The following RNF157 variants were observed in gnomAD, a reference collection of about 807,000 sequenced individuals.
RNF157 encodes the protein E3 ubiquitin ligase RNF157.
A neutral mutation model predicts 88.3 loss-of-function variants in RNF157; 55 were observed. The ratio of observed to expected loss-of-function variants is 0.62; its 90% CI spans 0.50 to 0.78. The LOEUF is 0.78. RNF157 is among the 30% of genes least tolerant of loss of function. The pLI is 0.00. For missense variants in RNF157, 788 were observed against 860.8 expected (o/e 0.92, Z 1.06); for synonymous variants, 334 against 341.2 (o/e 0.98, Z 0.23).
At chr17:76,147,825 CAG>C (rs779460480) in intron 18 of RNF157, among the ~76,000 whole-genome samples, 22 of 152,192 alleles carry the variant, frequency 1.4e-4, no homozygotes, top group Non-Finnish European at 4.4e-5. Context: ...AAATGGAGCA[CAG>C]AGATTCAAAA....
At chr17:76,186,862 C>T (rs900526528) in intron 2 of RNF157, among the ~76,000 whole-genome samples, 6 of 151,794 alleles carry the variant, frequency 4.0e-5, no homozygotes, top group African/African-American at 1.5e-4. Flanking sequence ...ATTGCCTGAA[C>T]CCAGGAGGCA....
rs2069107299 is a variant in RNF157, at chr17:76,176,654, T to G, written c.208-2864A>C. 6.6e-6 allele frequency among the ~76,000 whole-genome samples: 1 copy of G among 152,114 alleles called. No homozygotes were observed. The highest frequency in any genetic ancestry group is 1.5e-5 in the Non-Finnish European group (1 of 67,994). ...ACAGCCCCTCCACAGCTTGCCGCCC[T>G]GGAGGCCACCCCATGGGGCTGGCCG... On this transcript the variant is annotated intron_variant, in intron 2 of 18. Coordinates refer to ENST00000269391, the MANE Select transcript of RNF157 (RefSeq NM_052916.3). The surrounding 1 kb of genome is among the most constrained non-coding windows in gnomAD (Gnocchi z 4.2).
In RNF157 at chr17:76,235,261, G is replaced by A. The variant is rs377265029; in HGVS notation, c.88+4892C>T. Among the ~76,000 whole-genome samples, 16 of 150,612 alleles carry A rather than the reference G, an allele frequency of 1.1e-4. No individual in the cohort carries two copies. The South Asian group carries it at 3.1e-3, about 30-fold the overall frequency. On this transcript the variant is annotated intron_variant, in intron 1 of 18. Coordinates refer to ENST00000269391, the MANE Select transcript of RNF157 (RefSeq NM_052916.3). ...CGCCCAGGCTGGAGTGCAGTGGCAC[G>A]ATCTCGGCTCACTGCAAGCTCCGCC...
chr17:76,152,205 T>G, intron 18 of RNF157, 150 bp downstream of exon 18: 1 of 629,020 alleles, frequency 1.6e-6, no homozygotes, highest in Non-Finnish European at 2.9e-6. Context: ...CCTTCTTACT[T>G]CCTTCAGCAA....
chr17:76,186,806 A>G (rs2069298350), intron 2 of RNF157, among the ~76,000 whole-genome samples: 1 of 150,396 alleles, frequency 6.6e-6, no homozygotes, highest in Non-Finnish European at 1.5e-5. Context: ...CAGGCATGGT[A>G]GTGCACATTT....
Position 76,161,586 on chromosome 17 carries a change from G to C in RNF157, c.1014C>G (p.Thr338=). The change falls in exon 11 of 19, where the codon ACC becomes ACG. Residue 338 remains threonine (T), a synonymous_variant. Coordinates refer to ENST00000269391, the MANE Select transcript of RNF157 (RefSeq NM_052916.3). This position sits in a 1 kb window ranked among gnomAD's most constrained non-coding sequence, Gnocchi z 4.6. The part of the protein sequence containing the change: ...MRKKLGPLSP[T]SFNPIISSQT... Reference sequence around the variant, plus strand: ...GGGATGAGATGATGGGGTTAAAGCTGGTTGGGGACAAGGGGCCCAATTTTT... The same window carrying C: ...GGGATGAGATGATGGGGTTAAAGCTCGTTGGGGACAAGGGGCCCAATTTTT... The C allele has an allele frequency of 6.2e-7, 1 of 1,614,170 alleles. No individual in the cohort carries two copies. The highest frequency in any genetic ancestry group is 1.3e-5 in the African/African-American group (1 of 75,046).
chr17:76,182,760 C>CATATATATATATATATATAT lies in RNF157; in HGVS notation c.208-8990_208-8971dup, dbSNP rs377581288. Among the ~76,000 whole-genome samples the CATATATATATATATATATAT allele has an allele frequency of 1.7e-3, 154 of 93,286 alleles. 2 individuals carry two copies. The highest frequency in any genetic ancestry group is 6.7e-3 in the African/African-American group (116 of 17,250). The allele number at this position is 93,286 out of a possible 152,430, so 61.2% of individuals were successfully genotyped here. A position where few individuals can be genotyped will look rare whatever the true frequency, so the allele number is the denominator to read the frequency against. On this transcript the variant is annotated intron_variant, in intron 2 of 18. Coordinates refer to ENST00000269391, the MANE Select transcript of RNF157 (RefSeq NM_052916.3). ...TTGCTATTAGATTCAGGCCTCGTCTCATATATATATATATATATATATATA... is the reference window on the plus strand; with the variant it reads ...TTGCTATTAGATTCAGGCCTCGTCTCATATATATATATATATATATATATATATATATATATATATATATA...
In RNF157 at chr17:76,155,746, G is replaced by A. The variant is rs752503395; in HGVS notation, c.1526-12C>T. On this transcript the variant is annotated splice_polypyrimidine_tract_variant and intron_variant, in intron 14 of 18. Transcript: ENST00000269391. ...GCTGCTGGCAGGGCCTTTGGAGACA[G>A]GGGATGGGGAAAGGAGCCTGGAGGT... is the stretch of plus-strand genomic sequence containing the variant. The A allele has an allele frequency of 2.0e-6, 3 of 1,533,336 alleles. No homozygotes were observed. Among genetic ancestry groups the A allele is most frequent in the Middle Eastern group, 2.0e-4 (1 of 5,054 alleles). The allele number at this position is 1,533,336 out of a possible 1,614,324, so 95.0% of individuals were successfully genotyped here.
At chr17:76,221,026 C>T (rs528798576) in intron 1 of RNF157, among the ~76,000 whole-genome samples, 61 of 151,726 alleles carry the variant, frequency 4.0e-4, no homozygotes, top group Non-Finnish European at 6.6e-4. Flanking sequence ...GAGGCTGAGG[C>T]GGGAGAATTA....
chr17:76,240,039 G>T lies in RNF157; in HGVS notation c.88+114C>A. ...CCGCGCTCGAAGACCGTTTCGGAGC[G>T]TCCGCAACCACTGAGTCCCCGAAGA... On this transcript the variant is annotated intron_variant, in intron 1 of 18. Coordinates refer to ENST00000269391, the MANE Select transcript of RNF157 (RefSeq NM_052916.3). This position sits in a 1 kb window ranked among gnomAD's most constrained non-coding sequence, Gnocchi z 4.4. The T allele has an allele frequency of 2.3e-6, 1 of 437,010 alleles. No individual in the cohort carries two copies. Among genetic ancestry groups the T allele is most frequent in the African/African-American group, 2.1e-5 (1 of 47,482 alleles). 27.1% of individuals were successfully genotyped at this position (437,010 alleles called of 1,614,324 possible).
In RNF157 at chr17:76,167,038, C is replaced by T. The variant is rs920157640; in HGVS notation, c.532G>A (p.Val178Met). 20 of 1,611,578 alleles carry T rather than the reference C, an allele frequency of 1.2e-5. No homozygotes were observed. Among genetic ancestry groups the T allele is most frequent in the African/African-American group, 8.0e-5 (6 of 74,904 alleles). ...CQQFCLPSHT[V>M]DPSEWAEEEL... ...TCTTCGGCCCACTCGGAGGGATCCA[C>T]GGTGTGGGAGGGCAGGCAGAACTGC... The change falls in exon 5 of 19, where the codon GTG (valine) becomes ATG (methionine). Residue 178 changes from valine to methionine, a missense_variant. Coordinates refer to ENST00000269391, the MANE Select transcript of RNF157 (RefSeq NM_052916.3).
chr17:76,235,581 C>G (rs2070269416), intron 1 of RNF157, among the ~76,000 whole-genome samples: 1 of 152,188 alleles, frequency 6.6e-6, no homozygotes, highest in African/African-American at 2.4e-5. Flanking sequence ...TACATTAAAA[C>G]TTTTATAGTT....
intron 2 of RNF157, among the ~76,000 whole-genome samples, chr17:76,175,135 A>T (rs1189394903): frequency 6.6e-6 from 1 of 152,184 alleles, no homozygotes; most frequent in African/African-American, 2.4e-5. Flanking sequence ...CACTGAACAT[A>T]CTATTTTGCA....
chr17:76,204,157 G>C (rs1252485476), intron 2 of RNF157, among the ~76,000 whole-genome samples: 1 of 152,154 alleles, frequency 6.6e-6, no homozygotes, highest in African/African-American at 2.4e-5. Flanking sequence ...ATCCCTCACA[G>C]TCCAATACTT....
rs904392368 is a variant in RNF157, at chr17:76,167,017, C to T, written c.553G>A (p.Glu185Lys). The T allele has an allele frequency of 1.5e-5, 24 of 1,606,230 alleles. No individual in the cohort carries two copies. The highest frequency in any genetic ancestry group is 4.0e-5 in the African/African-American group (3 of 74,730). The change falls in exon 5 of 19, where the codon GAA becomes AAA. Residue 185 changes from glutamate (E) to lysine (K), a missense_variant. Glu to Lys is a moderately conservative substitution (Grantham distance 56). Coordinates refer to ENST00000269391, the MANE Select transcript of RNF157 (RefSeq NM_052916.3). ...CCCCAGAGGCAGCTCACCTCCTCTT[C>T]GGCCCACTCGGAGGGATCCACGGTG... ...SHTVDPSEWA[E>K]EELGFDLDRE...
rs138462744 is a variant in RNF157, at chr17:76,198,668, C to T, written c.207+13696G>A. 3.9e-5 allele frequency among the ~76,000 whole-genome samples: 6 copies of T among 152,304 alleles called. No individual in the cohort carries two copies. The South Asian group carries it at 6.2e-4, about 16-fold the overall frequency. ...GTTGGACAACTGGTTACCCTGTATCCGTTCTCATGACTCTCTAATCTACCT... is the reference window on the plus strand; with the variant it reads ...GTTGGACAACTGGTTACCCTGTATCTGTTCTCATGACTCTCTAATCTACCT... On this transcript the variant is annotated intron_variant, in intron 2 of 18. Transcript: ENST00000269391.
Position 76,195,803 on chromosome 17 carries a change from T to C in RNF157, c.207+16561A>G, listed in dbSNP as rs1352613894. 6.6e-6 allele frequency among the ~76,000 whole-genome samples: 1 copy of C among 152,154 alleles called. No homozygotes were observed. Among genetic ancestry groups the C allele is most frequent in the African/African-American group, 2.4e-5 (1 of 41,436 alleles). On this transcript the variant is annotated intron_variant, in intron 2 of 18. Coordinates refer to ENST00000269391, the MANE Select transcript of RNF157 (RefSeq NM_052916.3). This position sits in a 1 kb window ranked among gnomAD's most constrained non-coding sequence, Gnocchi z 4.4. Reference sequence around the variant, plus strand: ...TGAGACTCAACTCCAGAGGTGGGGCTCGCACATCAGACTAAATTGAGCACA... The same window carrying C: ...TGAGACTCAACTCCAGAGGTGGGGCCCGCACATCAGACTAAATTGAGCACA...
chr17:76,180,295 T>A (rs1162408563), intron 2 of RNF157, among the ~76,000 whole-genome samples: 4 of 152,220 alleles, frequency 2.6e-5, no homozygotes, highest in Non-Finnish European at 5.9e-5. Context: ...GAACAAAGAA[T>A]GAAATTTGGT....
intron 2 of RNF157, among the ~76,000 whole-genome samples, chr17:76,211,057 G>A (rs1013692809): frequency 2.6e-5 from 4 of 152,094 alleles, no homozygotes; most frequent in Non-Finnish European, 1.5e-5. Flanking sequence ...TGTCCACCTC[G>A]GCCTCCCAAA....
Sources: allele counts gnomAD v4.1 joint callset (sites outside exome capture counted in the v4.1 genomes callset), GRCh38; gene constraint gnomAD v4.1.1; non-coding constraint Gnocchi (gnomAD v3.1); transcripts MANE v1.5; gene names NCBI Gene and HGNC (gene_info 2026-07-23, HGNC 2026-07-21).